Variants in PTPRD observed in about 807,000 individuals in gnomAD.
The protein encoded by PTPRD is receptor-type tyrosine-protein phosphatase delta.
A neutral mutation model predicts 214.5 loss-of-function variants in PTPRD; 34 were observed. The ratio of observed to expected loss-of-function variants is 0.16; its 90% CI spans 0.12 to 0.21. The LOEUF (loss-of-function observed/expected upper bound fraction) is 0.21, where lower values mean the gene tolerates loss of function less well. PTPRD is among the 10% of genes least tolerant of loss of function. PTPRD has a pLI of 1.00. For missense variants in PTPRD, 2,545 were observed against 2,398.7 expected (o/e 1.06, Z -1.27); for synonymous variants, 1,128 against 845.7 (o/e 1.33, Z -5.79).
chr9:8,629,683 C>T (rs1231451864), intron 14 of PTPRD, among the ~76,000 whole-genome samples: 1 of 151,688 alleles, frequency 6.6e-6, no homozygotes, highest in African/African-American at 2.4e-5. Flanking sequence ...TACTCAGCCT[C>T]CTAAAGTGTT....
chr9:9,512,643 C>G (rs1020828816), intron 8 of PTPRD, among the ~76,000 whole-genome samples: 1 of 151,694 alleles, frequency 6.6e-6, no homozygotes, highest in Non-Finnish European at 1.5e-5. Context: ...CTTGTATTCA[C>G]AGGAGATTCT....
intron 11 of PTPRD, among the ~76,000 whole-genome samples, chr9:8,931,436 G>A (rs894823954): frequency 3.9e-5 from 6 of 152,246 alleles, no homozygotes; most frequent in Admixed American, 2.6e-4. Context: ...GATTGACTTG[G>A]TAATGCGGGC....
chr9:9,426,185 T>C (rs767521662), intron 8 of PTPRD, among the ~76,000 whole-genome samples: 1 of 152,142 alleles, frequency 6.6e-6, no homozygotes, highest in African/African-American at 2.4e-5. Flanking sequence ...AGACAGCACC[T>C]GGAATATTGG....
intron 5 of PTPRD, among the ~76,000 whole-genome samples, chr9:9,769,581 C>T (rs1224097593): frequency 6.6e-6 from 1 of 151,808 alleles, no homozygotes; most frequent in Non-Finnish European, 1.5e-5. Flanking sequence ...TTGCCTTGGC[C>T]TCCCAAAGTG....
intron 44 of PTPRD, among the ~76,000 whole-genome samples, chr9:8,322,138 A>G (rs1442470930): frequency 6.6e-6 from 1 of 152,106 alleles, no homozygotes; most frequent in Non-Finnish European, 1.5e-5. Flanking sequence ...ACCAACCAGC[A>G]GTTTCCCCAT....
chr9:9,706,048 G>A (rs1282103734), intron 7 of PTPRD, among the ~76,000 whole-genome samples: 3 of 152,066 alleles, frequency 2.0e-5, no homozygotes, highest in African/African-American at 7.2e-5. Flanking sequence ...TCATGAGGAT[G>A]AAGTTAAATA....
intron 9 of PTPRD, among the ~76,000 whole-genome samples, chr9:9,336,408 C>T (rs2044499858): frequency 6.6e-6 from 1 of 152,142 alleles, no homozygotes; most frequent in African/African-American, 2.4e-5. Flanking sequence ...ATAAACTTTT[C>T]AAGGAGCATA....
chr9:10,000,609 AG>A (rs2096283244), intron 4 of PTPRD, among the ~76,000 whole-genome samples: 1 of 152,224 alleles, frequency 6.6e-6, no homozygotes, highest in African/African-American at 2.4e-5. Context: ...AAATAATTCT[AG>A]GCAGATATAG....
At chr9:9,728,350 CTTAG>C (rs2098128507) in intron 7 of PTPRD, among the ~76,000 whole-genome samples, 1 of 152,128 alleles carries the variant, frequency 6.6e-6, no homozygotes, top group South Asian at 2.1e-4. Flanking sequence ...TGCCTCCTTC[CTTAG>C]TGATAAATTG....
intron 10 of PTPRD, among the ~76,000 whole-genome samples, chr9:9,075,364 G>A (rs956441037): frequency 4.6e-5 from 7 of 151,538 alleles, no homozygotes; most frequent in South Asian, 2.1e-4. Flanking sequence ...TAATCACCCC[G>A]TTGTACTTTC....
intron 9 of PTPRD, among the ~76,000 whole-genome samples, chr9:9,386,029 T>C (rs998848545): frequency 6.6e-6 from 1 of 152,138 alleles, no homozygotes; most frequent in Non-Finnish European, 1.5e-5. Context: ...GCCTGCATCT[T>C]ATATGAAAAT....
At chr9:10,093,437 T>C (rs1368712539) in intron 3 of PTPRD, among the ~76,000 whole-genome samples, 1 of 151,268 alleles carries the variant, frequency 6.6e-6, no homozygotes, top group Non-Finnish European at 1.5e-5. Context: ...TCCTAAAAAG[T>C]CCAAAATTGA....
chr9:8,963,660 C>T (rs1317746207), intron 11 of PTPRD, among the ~76,000 whole-genome samples: 1 of 151,998 alleles, frequency 6.6e-6, no homozygotes, highest in Non-Finnish European at 1.5e-5. Context: ...TGCACTGTTG[C>T]CCAGTCTGAA....
At chr9:9,619,259 T>C (rs1455747272) in intron 7 of PTPRD, among the ~76,000 whole-genome samples, 1 of 151,910 alleles carries the variant, frequency 6.6e-6, no homozygotes, top group Admixed American at 6.6e-5. Flanking sequence ...GACTTGCAGA[T>C]GTTGAAATGA....
At chr9:8,735,752 A>G (rs1047978255) in intron 11 of PTPRD, among the ~76,000 whole-genome samples, 1 of 151,918 alleles carries the variant, frequency 6.6e-6, no homozygotes. Context: ...TCTACTAAAA[A>G]CACAAAAAAA....
chr9:8,630,354 A>G (rs1212697950), intron 14 of PTPRD, among the ~76,000 whole-genome samples: 2 of 151,848 alleles, frequency 1.3e-5, no homozygotes, highest in East Asian at 1.9e-4. Context: ...TTAGCTATTC[A>G]TGATGTTCAA....
chr9:10,200,067 A>G (rs1047275032), intron 3 of PTPRD, among the ~76,000 whole-genome samples: 3 of 152,046 alleles, frequency 2.0e-5, no homozygotes, highest in African/African-American at 7.2e-5. Flanking sequence ...AAAATTTTAT[A>G]TCATGTAATA....
chr9:9,761,785 C>A (rs895940477), intron 6 of PTPRD, among the ~76,000 whole-genome samples: 3 of 152,106 alleles, frequency 2.0e-5, no homozygotes, highest in Non-Finnish European at 4.4e-5. Flanking sequence ...CCCTTCCCCC[C>A]ACTCTGTATT....
At chr9:8,563,981 C>G (rs890593879) in intron 14 of PTPRD, among the ~76,000 whole-genome samples, 1 of 152,128 alleles carries the variant, frequency 6.6e-6, no homozygotes, top group Admixed American at 6.5e-5. Flanking sequence ...ATACAATTTT[C>G]AAACTTTAGA....
Sources: gnomAD v4.1 joint callset for allele counts (sites outside exome capture counted in the v4.1 genomes callset) on GRCh38, gnomAD v4.1.1 for gene constraint, MANE v1.5 for transcripts, NCBI Gene and HGNC (gene_info 2026-07-23, HGNC 2026-07-21) for gene names.